Variants in SORL1 observed in about 807,000 individuals in gnomAD.
The protein encoded by SORL1 is sortilin-related receptor.
SORL1 carries 127 observed loss-of-function variants against 273.7 expected under a neutral mutation model. That is an observed-to-expected ratio of 0.46 (90% CI 0.40 to 0.54). The LOEUF (loss-of-function observed/expected upper bound fraction) is 0.54, where lower values mean the gene tolerates loss of function less well. Among genes scored for constraint, SORL1 ranks in the 20% least tolerant of loss-of-function variants. SORL1 has a pLI of 0.00. For synonymous variants in SORL1, 1,031 were observed against 1,067.4 expected (o/e 0.97, Z 0.66); for missense variants, 2,494 against 2,846.1 (o/e 0.88, Z 2.81).
At chr11:121,600,795 C>G (rs965562613) in intron 32 of SORL1, among the ~76,000 whole-genome samples, 8 of 152,170 alleles carry the variant, frequency 5.3e-5, no homozygotes, top group Non-Finnish European at 1.2e-4. Context: ...AAGTTCTATT[C>G]TAAGTGCCTG....
intron 11 of SORL1, among the ~76,000 whole-genome samples, chr11:121,530,492 G>A (rs1432216480): frequency 6.6e-6 from 1 of 152,148 alleles, no homozygotes; most frequent in Non-Finnish European, 1.5e-5. Context: ...CGTGGGTTCT[G>A]ATGAGAAACC....
At chr11:121,558,458 C>A in intron 19 of SORL1, 133 bp from the exon 20 acceptor site, 1 of 885,044 alleles carries the variant, frequency 1.1e-6, no homozygotes. Flanking sequence ...GTTGTCATTA[C>A]ATATTGTTAT....
rs1862411164 is a variant in SORL1, at chr11:121,545,418, G to A, written c.2040G>A (p.Glu680=). 3 of 1,613,954 alleles carry A rather than the reference G, an allele frequency of 1.9e-6. No individual in the cohort carries two copies. The highest frequency in any genetic ancestry group is 1.1e-5 in the South Asian group (1 of 91,088). ...TGTCCAACTGCTCCTGCACCCGGGA[G>A]GACTATGAGTGGTCAGTTCTTCTTT... ...VVVSNCSCTR[E]DYECDFGFKM... The change falls in exon 14 of 48, where the codon GAG becomes GAA. Residue 680 remains glutamate, a synonymous_variant. Coordinates refer to ENST00000260197, the MANE Select transcript of SORL1 (RefSeq NM_003105.6).
In SORL1 at chr11:121,473,697, C is replaced by G. The variant is rs758328396; in HGVS notation, c.402+3574C>G. Among the ~76,000 whole-genome samples the G allele has an allele frequency of 1.6e-4, 25 of 152,078 alleles. 1 individual carries two copies. Among genetic ancestry groups the G allele is most frequent in the Non-Finnish European group, 2.8e-4 (19 of 68,010 alleles). On this transcript the variant is annotated intron_variant, in intron 2 of 47. Transcript: ENST00000260197. ...ATCATTTGAGGCCAGGAGTTCAAGA[C>G]CAGCCCGGCCAACATGGTGAAACCC...
chr11:121,487,875 G>C (rs559657590), intron 3 of SORL1, among the ~76,000 whole-genome samples, 157 bp from the exon 4 acceptor site: 1 of 152,292 alleles, frequency 6.6e-6, no homozygotes, highest in African/African-American at 2.4e-5. Flanking sequence ...GAGATGGGGA[G>C]AAAGCCATTG....
At chr11:121,566,896 A>G in intron 21 of SORL1, 44 bp from the exon 22 acceptor site, 1 of 1,574,134 alleles carries the variant, frequency 6.4e-7, no homozygotes, top group Non-Finnish European at 8.6e-7. Flanking sequence ...TACCTCCCTC[A>G]TGGTGTGTAT....
chr11:121,522,646 C>T lies in SORL1; in HGVS notation c.1465C>T (p.Leu489Phe), dbSNP rs374237420. Residue 489 changes from leucine (L) to phenylalanine (F), a missense_variant, in exon 10 of 48, where the codon CTC (leucine) becomes TTC (phenylalanine). Physicochemically the swap from Leu to Phe is conservative, Grantham distance 22 (BLOSUM62 0). Around this residue, in one of 3 missense-constraint regions of SORL1, gnomAD observed 710 missense variants for 882.5 expected, o/e 0.80. Coordinates refer to ENST00000260197, the MANE Select transcript of SORL1 (RefSeq NM_003105.6). ...QRLSQLLNLQLRRMPILSKES... is the reference protein window; with the variant it reads ...QRLSQLLNLQFRRMPILSKES... ...CCTCAGTCAGCTCCTCAACCTCCAG[C>T]TCCGGAGAATGCCCATCCTGTCCAA... The T allele has an allele frequency of 6.2e-7, 1 of 1,614,110 alleles. No homozygotes were observed. The highest frequency in any genetic ancestry group is 8.5e-7 in the Non-Finnish European group (1 of 1,180,020).
intron 18 of SORL1, among the ~76,000 whole-genome samples, chr11:121,555,551 TTTTTA>T (rs1452976094): frequency 6.6e-6 from 1 of 152,074 alleles, no homozygotes; most frequent in East Asian, 1.9e-4. Flanking sequence ...AATGGTAATA[TTTTTA>T]TTTTATTTAT....
chr11:121,557,481 C>A, intron 19 of SORL1, 76 bp downstream of exon 19: 1 of 1,124,040 alleles, frequency 8.9e-7, no homozygotes, highest in Non-Finnish European at 1.3e-6. Context: ...ACACAGACTG[C>A]GGGACAAAAA....
At chr11:121,590,692 C>G (rs1204741990) in intron 30 of SORL1, 1 of 639,988 alleles carries the variant, frequency 1.6e-6, no homozygotes, top group Non-Finnish European at 2.8e-6. Flanking sequence ...ATTCTCTTAG[C>G]CACCCTGTGC....
chr11:121,555,076 C>A, intron 17 of SORL1, 111 bp from the exon 18 acceptor site: 1 of 1,188,286 alleles, frequency 8.4e-7, no homozygotes, highest in Non-Finnish European at 1.2e-6. Flanking sequence ...TAAAACATCT[C>A]ATCCCTTGCC....
chr11:121,487,249 G>A lies in SORL1; in HGVS notation c.529-783G>A, dbSNP rs150245879. Among the ~76,000 whole-genome samples, 21 of 152,312 alleles carry A rather than the reference G, an allele frequency of 1.4e-4. No homozygotes were observed. The East Asian group carries it at 4.0e-3, about 29-fold the overall frequency. ...AGCTACTTGAGGGAAGGCATCTTGG[G>A]TTTTTGTGGCAGCTCCTGAGCGTCT... On this transcript the variant is annotated intron_variant, in intron 3 of 47. Transcript: ENST00000260197.
intron 39 of SORL1, chr11:121,612,382 C>T (rs1863578562): frequency 5.2e-6 from 1 of 193,092 alleles, no homozygotes; most frequent in African/African-American, 2.4e-5. Context: ...TTGGCCTTGA[C>T]TGCAAGGATT....
chr11:121,592,912 A>T (rs1863237328), intron 31 of SORL1, among the ~76,000 whole-genome samples: 1 of 152,200 alleles, frequency 6.6e-6, no homozygotes, highest in Non-Finnish European at 1.5e-5. Flanking sequence ...CAGTGATCAG[A>T]TCTCTGTTTA....
chr11:121,566,850 C>T (rs1309310376), intron 21 of SORL1, 90 bp from the exon 22 acceptor site: 7 of 1,237,610 alleles, frequency 5.7e-6, no homozygotes, highest in East Asian at 2.5e-5. Flanking sequence ...TTCCGTAAGA[C>T]GAGGAGGTTG....
chr11:121,487,351 C>T (rs191346610), intron 3 of SORL1, among the ~76,000 whole-genome samples: 157 of 152,296 alleles, frequency 1.0e-3, no homozygotes, highest in Non-Finnish European at 1.7e-3. Flanking sequence ...TTCTTTCAGC[C>T]GCAGCCACTA....
chr11:121,549,973 A>G lies in SORL1; in HGVS notation c.2065A>G (p.Lys689Glu). The G allele has an allele frequency of 6.2e-7, 1 of 1,613,652 alleles. No homozygotes were observed. Among genetic ancestry groups the G allele is most frequent in the African/African-American group, 1.3e-5 (1 of 75,032 alleles). The change falls in exon 15 of 48, where the codon AAG becomes GAG. Residue 689 changes from lysine (K) to glutamate (E), a missense_variant. Lys to Glu is a moderately conservative substitution (Grantham distance 56, BLOSUM62 1). Around this residue, in one of 3 missense-constraint regions of SORL1, gnomAD observed 710 missense variants for 882.5 expected, o/e 0.80. Coordinates refer to ENST00000260197, the MANE Select transcript of SORL1 (RefSeq NM_003105.6). The part of the protein sequence containing the change: ...REDYECDFGF[K>E]MSEDLSLEVC... ...TTGCCTTTTTAGTGACTTCGGTTTC[A>G]AGATGAGTGAAGATTTGTCATTAGA...
rs773791624 is a variant in SORL1, at chr11:121,588,032, C to T, written c.3827C>T (p.Thr1276Met). The T allele has an allele frequency of 4.3e-5, 69 of 1,613,104 alleles. No homozygotes were observed. Among genetic ancestry groups the T allele is most frequent in the Middle Eastern group, 1.6e-4 (1 of 6,076 alleles). The change falls in exon 28 of 48, where the codon ACG becomes ATG. Residue 1276 changes from threonine (T) to methionine (M), a missense_variant. Coordinates refer to ENST00000260197, the MANE Select transcript of SORL1 (RefSeq NM_003105.6). ...GGATCCCTTACAGAGCCCCTCTGTA[C>T]GCACTTCATGGACTTTGTGTGTAAG... ...SDEQHCEPLC[T>M]HFMDFVCKNR...
intron 12 of SORL1, among the ~76,000 whole-genome samples, chr11:121,535,242 C>T (rs980844866): frequency 6.6e-6 from 1 of 152,166 alleles, no homozygotes; most frequent in African/African-American, 2.4e-5. Context: ...GTGTGCAACC[C>T]GGTAGTACCC....
Sources: allele counts gnomAD v4.1 joint callset (sites outside exome capture counted in the v4.1 genomes callset), GRCh38; gene constraint gnomAD v4.1.1; regional missense constraint gnomAD v4.1.1; transcripts MANE v1.5; gene names NCBI Gene and HGNC (gene_info 2026-07-23, HGNC 2026-07-21).